RAD54L2: variants seen among roughly 807,000 people sequenced by gnomAD.
The protein encoded by RAD54L2 is RAD54 like 2, also known as helicase ARIP4.
A neutral mutation model predicts 138.4 loss-of-function variants in RAD54L2; 27 were observed. That is an observed-to-expected ratio of 0.20 (90% CI 0.14 to 0.27). The LOEUF is 0.27. Ranked by LOEUF, RAD54L2 falls within the 10% of genes least tolerant of loss-of-function variation. The pLI is 1.00. For missense variants in RAD54L2, 1,396 were observed against 1,890.2 expected (o/e 0.74, Z 4.85); for synonymous variants, 644 against 723.2 (o/e 0.89, Z 1.76).
chr3:51,588,051 T>C (rs1699745964), intron 2 of RAD54L2, among the ~76,000 whole-genome samples: 1 of 151,280 alleles, frequency 6.6e-6, no homozygotes, highest in African/African-American at 2.4e-5. Flanking sequence ...CCGGGCGTGG[T>C]GGCAGGCGCC....
At chr3:51,607,837 T>G (rs1171352506) in intron 3 of RAD54L2, among the ~76,000 whole-genome samples, 14 of 120,848 alleles carry the variant, frequency 1.2e-4, no homozygotes, top group South Asian at 5.8e-4. Context: ...ACGGGGCGGC[T>G]GGGCAGAGGC....
At chr3:51,614,910 T>C (rs1700411122) in intron 3 of RAD54L2, among the ~76,000 whole-genome samples, 1 of 151,978 alleles carries the variant, frequency 6.6e-6, no homozygotes, top group Non-Finnish European at 1.5e-5. Flanking sequence ...GGTGTAAATA[T>C]GATGAGGAAT....
chr3:51,543,936 G>C (rs2108683990), intron 2 of RAD54L2, among the ~76,000 whole-genome samples: 1 of 152,288 alleles, frequency 6.6e-6, no homozygotes, highest in South Asian at 2.1e-4. Flanking sequence ...AGGTTAAGCA[G>C]AATGCCTCTC....
chr3:51,630,941 AC>A lies in RAD54L2; in HGVS notation c.825+12del. 6.3e-7 allele frequency: 1 copy of A among 1,595,898 alleles called. No individual in the cohort carries two copies. The highest frequency in any genetic ancestry group is 8.6e-7 in the Non-Finnish European group (1 of 1,164,776). Reference sequence around the variant, plus strand: ...TGTGAAACCTCATCAGGTACAGCAAACCTTGACTGTTTTCTCCTTTTCCTTT... The same window carrying A: ...TGTGAAACCTCATCAGGTACAGCAAACTTGACTGTTTTCTCCTTTTCCTTT... On this transcript the variant is annotated intron_variant, in intron 7 of 22. Coordinates refer to ENST00000684192, the MANE Select transcript of RAD54L2 (RefSeq NM_015106.4).
chr3:51,646,307 T>C lies in RAD54L2; in HGVS notation c.2852T>C (p.Leu951Ser). 1 of 1,595,130 alleles carries C rather than the reference T, an allele frequency of 6.3e-7. No homozygotes were observed. The highest frequency in any genetic ancestry group is 1.1e-5 in the South Asian group (1 of 87,914). ...CAGGAGCCTTTCGAGCATGAGTCATTGCTCTTGAACCGAAAGGATCACAAG... is the reference window on the plus strand; with the variant it reads ...CAGGAGCCTTTCGAGCATGAGTCATCGCTCTTGAACCGAAAGGATCACAAG... ...ITKEPFEHES[L>S]LLNRKDHKLT... Residue 951 changes from leucine (L) to serine (S), a missense_variant, in exon 19 of 23, where the codon TTG becomes TCG. This residue lies in a region of RAD54L2 where 634 missense variants were observed against 711.2 expected (regional missense o/e 0.89). Coordinates refer to ENST00000684192, the MANE Select transcript of RAD54L2 (RefSeq NM_015106.4).
At chr3:51,575,963 A>G (rs1261617963) in intron 2 of RAD54L2, among the ~76,000 whole-genome samples, 3 of 152,222 alleles carry the variant, frequency 2.0e-5, no homozygotes, top group African/African-American at 7.2e-5. Flanking sequence ...TTGCCCATTC[A>G]GTATGATATT....
chr3:51,637,231 C>T lies in RAD54L2; in HGVS notation c.1410C>T (p.Asn470=). ...GTGATGAGGGACACCGCATCAAAAACTGCCAGGCCAGCACCTCACAGGCTC... is the reference window on the plus strand; with the variant it reads ...GTGATGAGGGACACCGCATCAAAAATTGCCAGGCCAGCACCTCACAGGCTC... The part of the protein sequence containing the change: ...VICDEGHRIK[N]CQASTSQALK... Residue 470 remains asparagine, a synonymous_variant, in exon 11 of 23, where the codon AAC becomes AAT. Transcript: ENST00000684192. The surrounding 1 kb of genome is among the most constrained non-coding windows in gnomAD (Gnocchi z 5.9). The T allele has an allele frequency of 6.3e-7, 1 of 1,597,094 alleles. No individual in the cohort carries two copies. The highest frequency in any genetic ancestry group is 8.5e-7 in the Non-Finnish European group (1 of 1,171,778).
In RAD54L2 at chr3:51,653,798, G is replaced by A. The variant is rs527812667; in HGVS notation, c.3027-2173G>A. Among the ~76,000 whole-genome samples the A allele has an allele frequency of 2.7e-3, 412 of 152,264 alleles. 2 individuals are homozygous for A. The highest frequency in any genetic ancestry group is 0.014 in the Middle Eastern group (4 of 294). ...GCCTGGCATGGTGTGGGGGGATGGG[G>A]GAGGGATAGCATTAGGAGAAATACC... On this transcript the variant is annotated intron_variant, in intron 19 of 22. Coordinates refer to ENST00000684192, the MANE Select transcript of RAD54L2 (RefSeq NM_015106.4).
chr3:51,555,760 C>T (rs932006030), intron 2 of RAD54L2, among the ~76,000 whole-genome samples: 2 of 151,952 alleles, frequency 1.3e-5, no homozygotes, highest in Non-Finnish European at 2.9e-5. Context: ...AAATATTTTA[C>T]AGTTAGATCC....
In RAD54L2 at chr3:51,635,784, G is replaced by A. The variant is rs146155189; in HGVS notation, c.1334G>A (p.Arg445Gln). 51 of 1,608,582 alleles carry A rather than the reference G, an allele frequency of 3.2e-5. No homozygotes were observed. Among genetic ancestry groups the A allele is most frequent in the Non-Finnish European group, 4.1e-5 (48 of 1,177,668 alleles). Residue 445 changes from arginine to glutamine, a missense_variant, in exon 10 of 23, where the codon CGG becomes CAG. Coordinates refer to ENST00000684192, the MANE Select transcript of RAD54L2 (RefSeq NM_015106.4). ...GAGGAAGATCGGCAGCAGGAGTTTC[G>A]GAGAGGTGGGCAGCCTATCCCAGGA... is the stretch of plus-strand genomic sequence containing the variant. ...LDEEDRQQEF[R>Q]REFEKALCRP...
At chr3:51,556,212 T>C (rs1036146496) in intron 2 of RAD54L2, among the ~76,000 whole-genome samples, 5 of 152,152 alleles carry the variant, frequency 3.3e-5, no homozygotes, top group Admixed American at 2.0e-4. Flanking sequence ...CTGTCCTCCT[T>C]TGGTTTATTT....
chr3:51,662,894 G>T lies in RAD54L2; in HGVS notation c.3878G>T (p.Gly1293Val), dbSNP rs1701819786. The T allele has an allele frequency of 1.9e-6, 3 of 1,613,688 alleles. No homozygotes were observed. The South Asian group carries it at 3.3e-5, about 18-fold the overall frequency. Residue 1293 changes from glycine to valine, a missense_variant, in exon 23 of 23, where the codon GGG (glycine) becomes GTG (valine). By Grantham distance (109) the Gly-to-Val change is moderately radical. Transcript: ENST00000684192. This position sits in a 1 kb window ranked among gnomAD's most constrained non-coding sequence, Gnocchi z 4.6. Reference protein sequence around the residue: ...PYEHGYPVSGGFAMPPVSLNH... With the variant: ...PYEHGYPVSGVFAMPPVSLNH... ...GAACACGGGTATCCAGTCTCTGGCG[G>T]GTTTGCCATGCCACCCGTCTCCTTA...
At position 51,645,175 on chromosome 3, in the gene RAD54L2, T is replaced by C. The variant is rs751966167; in HGVS notation, c.2602T>C (p.Tyr868His). ...TTACATCTATCGCCTTGTGGCTGAT[T>C]ACACTCTAGAAAAGAAGATCTATGA... ...PCYIYRLVAD[Y>H]TLEKKIYDRQ... Residue 868 changes from tyrosine (Y) to histidine (H), a missense_variant, in exon 17 of 23, where the codon TAC becomes CAC. Coordinates refer to ENST00000684192, the MANE Select transcript of RAD54L2 (RefSeq NM_015106.4). This position sits in a 1 kb window ranked among gnomAD's most constrained non-coding sequence, Gnocchi z 6.1. 2.5e-6 allele frequency: 4 copies of C among 1,613,770 alleles called. No homozygotes were observed. The highest frequency in any genetic ancestry group is 3.4e-6 in the Non-Finnish European group (4 of 1,179,864).
intron 12 of RAD54L2, chr3:51,639,213 C>T (rs985488762): frequency 1.7e-6 from 1 of 586,864 alleles, no homozygotes; most frequent in South Asian, 2.3e-5. Context: ...ATGCATGCTG[C>T]CATTCATGTG....
chr3:51,640,451 A>G (rs995904291), intron 14 of RAD54L2, among the ~76,000 whole-genome samples: 1 of 152,182 alleles, frequency 6.6e-6, no homozygotes, highest in Non-Finnish European at 1.5e-5. Context: ...CAAATAAGTG[A>G]TGTAGTTTGC....
Position 51,643,986 on chromosome 3 carries a change from C to T in RAD54L2, c.2450+12C>T, listed in dbSNP as rs1217356698. 6.3e-7 allele frequency: 1 copy of T among 1,578,836 alleles called. No individual in the cohort carries two copies. Among genetic ancestry groups the T allele is most frequent in the Non-Finnish European group, 8.6e-7 (1 of 1,159,144 alleles). ...CTTCTCTCTACAAGGTGAGTGGATC[C>T]CAAGAGGGGAGGTCAAAGGAATCTG... On this transcript the variant is annotated intron_variant, in intron 16 of 22. Transcript: ENST00000684192.
chr3:51,647,243 C>T (rs1033416686), intron 19 of RAD54L2, among the ~76,000 whole-genome samples: 5 of 152,116 alleles, frequency 3.3e-5, no homozygotes, highest in African/African-American at 1.2e-4. Context: ...CACTCTGTTG[C>T]CTAGGCTGGA....
intron 14 of RAD54L2, 67 bp from the exon 15 acceptor site, chr3:51,641,682 T>C: frequency 9.5e-7 from 1 of 1,053,920 alleles, no homozygotes; most frequent in East Asian, 2.6e-5. Context: ...CACAAGAGTA[T>C]GGACCTATTG....
chr3:51,580,398 T>C (rs1699580283), intron 2 of RAD54L2, among the ~76,000 whole-genome samples: 1 of 152,168 alleles, frequency 6.6e-6, no homozygotes, highest in Non-Finnish European at 1.5e-5. Context: ...CTGGAAGTGC[T>C]CTAAATCTCA....
Sources: gnomAD v4.1 joint callset for allele counts (sites outside exome capture counted in the v4.1 genomes callset) on GRCh38, gnomAD v4.1.1 for gene constraint, gnomAD v4.1.1 regional missense constraint, Gnocchi (gnomAD v3.1) non-coding constraint, MANE v1.5 for transcripts, NCBI Gene and HGNC (gene_info 2026-07-23, HGNC 2026-07-21) for gene names.